Variants in POU6F2 observed in about 807,000 individuals in gnomAD.
The protein encoded by POU6F2 is POU class 6 homeobox 2, also known as POU domain, class 6, transcription factor 2.
In POU6F2, 31 loss-of-function variants were observed where a neutral mutation model predicts 71.3. That is an observed-to-expected ratio of 0.43 (90% CI 0.33 to 0.59). The LOEUF (loss-of-function observed/expected upper bound fraction) is 0.59. Ranked by LOEUF, POU6F2 falls within the 20% of genes least tolerant of loss-of-function variation. POU6F2 has a pLI of 0.04. For missense variants in POU6F2, 783 were observed against 856.8 expected (o/e 0.91, Z 1.07); for synonymous variants, 347 against 355.7 (o/e 0.98, Z 0.27).
intron 2 of POU6F2, among the ~76,000 whole-genome samples, chr7:39,202,926 C>A (rs1329959842): frequency 6.6e-6 from 1 of 152,192 alleles, no homozygotes; most frequent in Non-Finnish European, 1.5e-5. Context: ...AATGTCCATT[C>A]CTGACTTTCT....
chr7:39,132,833 C>T (rs745431715), intron 2 of POU6F2, among the ~76,000 whole-genome samples: 43 of 152,102 alleles, frequency 2.8e-4, no homozygotes, highest in African/African-American at 1.0e-3. Flanking sequence ...TTTTTCTTCA[C>T]TTACCGTACT....
intron 7 of POU6F2, among the ~76,000 whole-genome samples, chr7:39,449,962 T>C (rs936639577): frequency 1.6e-4 from 25 of 152,146 alleles, no homozygotes; most frequent in Admixed American, 6.5e-4. Flanking sequence ...TGAGGGGAAA[T>C]TGATGACAAA....
At chr7:39,098,453 T>A (rs1012220066) in intron 2 of POU6F2, among the ~76,000 whole-genome samples, 1 of 150,282 alleles carries the variant, frequency 6.7e-6, no homozygotes, top group Admixed American at 6.6e-5. Context: ...TTTTTTTTTT[T>A]AATTTGCAAG....
intron 1 of POU6F2, among the ~76,000 whole-genome samples, chr7:39,080,284 T>G (rs1478714389): frequency 6.6e-6 from 1 of 152,194 alleles, no homozygotes; most frequent in Non-Finnish European, 1.5e-5. Context: ...AGAAAGTTTG[T>G]TTTTCTTCAT....
chr7:39,438,192 G>A (rs906996297), intron 7 of POU6F2, among the ~76,000 whole-genome samples: 9 of 133,114 alleles, frequency 6.8e-5, no homozygotes, highest in African/African-American at 2.8e-4. Flanking sequence ...AAGAACATGC[G>A]ATGTTTGGTT....
chr7:39,127,271 G>A (rs1003482099), intron 2 of POU6F2, among the ~76,000 whole-genome samples: 1 of 152,144 alleles, frequency 6.6e-6, no homozygotes, highest in African/African-American at 2.4e-5. Context: ...CACAGCATAA[G>A]ACAGACATGG....
intron 1 of POU6F2, among the ~76,000 whole-genome samples, chr7:39,070,865 C>T (rs938023352): frequency 6.6e-6 from 1 of 152,166 alleles, no homozygotes; most frequent in Non-Finnish European, 1.5e-5. Context: ...GCCTGTCTCT[C>T]CCACTGTAAT....
chr7:39,241,303 T>C (rs1783722363), intron 4 of POU6F2, among the ~76,000 whole-genome samples: 1 of 152,144 alleles, frequency 6.6e-6, no homozygotes, highest in Non-Finnish European at 1.5e-5. Context: ...GAATTAAATA[T>C]CTGTTTAATA....
chr7:39,066,063 G>A lies in POU6F2; in HGVS notation c.106-19797G>A, dbSNP rs189583758. Among the ~76,000 whole-genome samples the A allele has an allele frequency of 1.5e-4, 23 of 151,712 alleles. No homozygotes were observed. In the East Asian group the frequency reaches 2.9e-3, roughly 19 times the overall value. Reference sequence around the variant, plus strand: ...ATAAGATATTCTGAAACCCAAATTCGGCTTGACAGTTAACTCAGAATATTC... The same window carrying A: ...ATAAGATATTCTGAAACCCAAATTCAGCTTGACAGTTAACTCAGAATATTC... On this transcript the variant is annotated intron_variant, in intron 1 of 9. Coordinates refer to ENST00000518318, the MANE Select transcript of POU6F2 (RefSeq NM_001370959.1).
Position 39,276,295 on chromosome 7 carries a change from G to A in POU6F2, c.599-63347G>A, listed in dbSNP as rs182639635. 8.3e-3 allele frequency among the ~76,000 whole-genome samples: 1,261 copies of A among 152,298 alleles called. 17 individuals carry two copies. The highest frequency in any genetic ancestry group is 0.028 in the African/African-American group (1,152 of 41,550). On this transcript the variant is annotated intron_variant, in intron 4 of 9. Transcript: ENST00000518318. ...ACATTTATGCAGCCAAAAGACACAT[G>A]AAAATATGCTCACCATCACTGGCCA...
intron 4 of POU6F2, 123 bp from the exon 5 acceptor site, chr7:39,339,518 CA>C: frequency 7.5e-7 from 1 of 1,340,304 alleles, no homozygotes; most frequent in Non-Finnish European, 9.9e-7. Flanking sequence ...CAAAGAGCTT[CA>C]GGGGGCAAGG....
chr7:39,440,202 G>T (rs1349120857), intron 7 of POU6F2, among the ~76,000 whole-genome samples: 3 of 152,104 alleles, frequency 2.0e-5, no homozygotes, highest in Non-Finnish European at 4.4e-5. Flanking sequence ...GGTATTCTCT[G>T]TATTTCCTGA....
At chr7:39,312,737 C>T (rs555968024) in intron 4 of POU6F2, among the ~76,000 whole-genome samples, 2 of 152,306 alleles carry the variant, frequency 1.3e-5, no homozygotes, top group South Asian at 2.1e-4. Context: ...TACTTGAACA[C>T]AAGCACTGCG....
chr7:39,133,673 G>T (rs1421934354), intron 2 of POU6F2, among the ~76,000 whole-genome samples: 1 of 152,120 alleles, frequency 6.6e-6, no homozygotes, highest in Non-Finnish European at 1.5e-5. Flanking sequence ...ACATTGTCTT[G>T]TTCTCCTTAG....
intron 2 of POU6F2, among the ~76,000 whole-genome samples, chr7:39,136,839 A>T (rs76883289): frequency 6.6e-6 from 1 of 151,500 alleles, no homozygotes; most frequent in Non-Finnish European, 1.5e-5. Flanking sequence ...AAAAAAAAAA[A>T]AGCCAGGTGT....
chr7:39,147,927 G>T (rs973148748), intron 2 of POU6F2, among the ~76,000 whole-genome samples: 3 of 152,150 alleles, frequency 2.0e-5, no homozygotes, highest in Non-Finnish European at 2.9e-5. Context: ...ACACACTCAT[G>T]CACACTCTCC....
chr7:39,341,516 A>C (rs1172738954), intron 5 of POU6F2, among the ~76,000 whole-genome samples: 1 of 152,222 alleles, frequency 6.6e-6, no homozygotes, highest in East Asian at 1.9e-4. Context: ...AGCAACCTTA[A>C]TGTTGGCAGC....
chr7:39,349,735 T>A (rs1786104677), intron 5 of POU6F2, among the ~76,000 whole-genome samples: 1 of 152,210 alleles, frequency 6.6e-6, no homozygotes, highest in Non-Finnish European at 1.5e-5. Context: ...TTTCCTGTTT[T>A]TAAAAATAGA....
intron 1 of POU6F2, among the ~76,000 whole-genome samples, chr7:39,001,310 C>T (rs1034002993): frequency 4.6e-5 from 7 of 151,080 alleles, no homozygotes; most frequent in African/African-American, 1.5e-4. Context: ...TGATAATAGG[C>T]GATATATTAT....
Sources: gnomAD v4.1 joint callset for allele counts (sites outside exome capture counted in the v4.1 genomes callset) on GRCh38, gnomAD v4.1.1 for gene constraint, MANE v1.5 for transcripts, NCBI Gene and HGNC (gene_info 2026-07-23, HGNC 2026-07-21) for gene names.